The following TERT variants were observed in gnomAD, a reference collection of about 807,000 sequenced individuals.
TERT encodes the protein telomerase reverse transcriptase, also known as telomerase catalytic subunit.
In TERT, 42 loss-of-function variants were observed where a neutral mutation model predicts 104.0. The ratio of observed to expected loss-of-function variants is 0.40; its 90% CI spans 0.32 to 0.52. TERT has a LOEUF of 0.52. Ranked by LOEUF, TERT falls within the 20% of genes least tolerant of loss-of-function variation. TERT has a pLI of 0.43. For synonymous variants in TERT, 781 were observed against 725.6 expected (o/e 1.08, Z -1.23); for missense variants, 1,101 against 1,610.3 (o/e 0.68, Z 5.41).
rs1751085179 is a variant in TERT at position 1,292,955 on chromosome 5, A to T, written c.1573+358T>A. On this transcript the variant is annotated intron_variant, in intron 2 of 15. Transcript: ENST00000310581. This position sits in a 1 kb window ranked among gnomAD's most constrained non-coding sequence, Gnocchi z 5.5. The stretch of plus-strand genomic sequence containing the variant: ...CACCCTTGAAATTGCGAAGAGGATT[A>T]TAGGTAACCTGCAGGCACCCTCGCC... Among the ~76,000 whole-genome samples the T allele has an allele frequency of 6.6e-6, 1 of 152,208 alleles. No individual in the cohort carries two copies. The highest frequency in any genetic ancestry group is 1.5e-5 in the Non-Finnish European group (1 of 68,034).
rs1199800296 is a variant in TERT at position 1,263,902 on chromosome 5, C to G, written c.2843+502G>C. The stretch of plus-strand genomic sequence containing the variant: ...CTGATGGGTCACACGTGATCATGAA[C>G]TCATGGCATCCTGTAGACTGTGGAT... On this transcript the variant is annotated intron_variant, in intron 11 of 15. Coordinates refer to ENST00000310581, the MANE Select transcript of TERT (RefSeq NM_198253.3). The surrounding 1 kb of genome is among the most constrained non-coding windows in gnomAD (Gnocchi z 5.3). Among the ~76,000 whole-genome samples, 1 of 152,244 alleles carries G rather than the reference C, an allele frequency of 6.6e-6. No individual in the cohort carries two copies. The highest frequency in any genetic ancestry group is 6.5e-5 in the Admixed American group (1 of 15,286).
At chr5:1,283,621 C>A (rs1023277373) in intron 2 of TERT, among the ~76,000 whole-genome samples, 3 of 149,664 alleles carry the variant, frequency 2.0e-5, no homozygotes, top group Non-Finnish European at 4.4e-5. Flanking sequence ...CATCCAGACA[C>A]CGCACATCCA....
At chr5:1,283,288 C>T (rs1416540392) in intron 2 of TERT, among the ~76,000 whole-genome samples, 1 of 138,056 alleles carries the variant, frequency 7.2e-6, no homozygotes, top group Non-Finnish European at 1.6e-5. Flanking sequence ...GCCTGGCGAC[C>T]TCACGCCAGA....
At chr5:1,258,908 G>A (rs550012698) in intron 12 of TERT, among the ~76,000 whole-genome samples, 1 of 152,306 alleles carries the variant, frequency 6.6e-6, no homozygotes, top group East Asian at 1.9e-4. Context: ...CCAGGAGAGG[G>A]AGTGGACGCA....
rs1383697484 is a variant in TERT, at chr5:1,274,338, T to C, written c.2287-2058A>G. 1.3e-5 allele frequency among the ~76,000 whole-genome samples: 2 copies of C among 152,180 alleles called. No individual in the cohort carries two copies. Among genetic ancestry groups the C allele is most frequent in the East Asian group, 3.8e-4 (2 of 5,198 alleles). On this transcript the variant is annotated intron_variant, in intron 6 of 15. Transcript: ENST00000310581. The surrounding 1 kb of genome is among the most constrained non-coding windows in gnomAD (Gnocchi z 5.3). Reference sequence around the variant, plus strand: ...ATGGGTCTGAGGTCGGCGGAAAGCATCACAGAAATCCGTAATTATTCTGGA... The same window carrying C: ...ATGGGTCTGAGGTCGGCGGAAAGCACCACAGAAATCCGTAATTATTCTGGA...
chr5:1,267,923 T>C (rs931850522), intron 9 of TERT, among the ~76,000 whole-genome samples: 1 of 152,024 alleles, frequency 6.6e-6, no homozygotes, highest in Non-Finnish European at 1.5e-5. Context: ...ACATGGCACA[T>C]GTATACATAT....
chr5:1,276,352 C>G (rs1164665926), intron 6 of TERT, among the ~76,000 whole-genome samples: 3 of 140,264 alleles, frequency 2.1e-5, no homozygotes, highest in African/African-American at 8.0e-5. Flanking sequence ...CCACCTACCC[C>G]ACGGATGAAA....
chr5:1,275,247 G>A (rs1579569940), intron 6 of TERT, among the ~76,000 whole-genome samples: 4 of 152,070 alleles, frequency 2.6e-5, no homozygotes, highest in African/African-American at 7.2e-5. Context: ...GGTGGTGGGC[G>A]CCTATAATTC....
chr5:1,255,517 T>G lies in TERT; in HGVS notation c.3033-106A>C. 2 of 1,394,048 alleles carry G rather than the reference T, an allele frequency of 1.4e-6. No homozygotes were observed. The highest frequency in any genetic ancestry group is 2.0e-6 in the Non-Finnish European group (2 of 989,502). 86.4% of individuals were successfully genotyped at this position (1,394,048 alleles called of 1,614,324 possible). On this transcript the variant is annotated intron_variant, in intron 13 of 15. Coordinates refer to ENST00000310581, the MANE Select transcript of TERT (RefSeq NM_198253.3). This position sits in a 1 kb window ranked among gnomAD's most constrained non-coding sequence, Gnocchi z 6.9. ...GCCTGTGTGCGTGCATGAATGCACA[T>G]GCATGGGTTTCCTCATGGGCACAGG...
rs529683513 is a variant in TERT, at chr5:1,265,680, C to T, written c.2654+784G>A. Among the ~76,000 whole-genome samples, 2 of 152,164 alleles carry T rather than the reference C, an allele frequency of 1.3e-5. No individual in the cohort carries two copies. The highest frequency in any genetic ancestry group is 2.1e-4 in the South Asian group (1 of 4,818). On this transcript the variant is annotated intron_variant, in intron 10 of 15. Coordinates refer to ENST00000310581, the MANE Select transcript of TERT (RefSeq NM_198253.3). The surrounding 1 kb of genome is among the most constrained non-coding windows in gnomAD (Gnocchi z 6.9). Reference sequence around the variant, plus strand: ...GGACCTGGAGGGTGGACTTGGAGGGCGGGTCCAAATGGGTTTTCACAAACA... The same window carrying T: ...GGACCTGGAGGGTGGACTTGGAGGGTGGGTCCAAATGGGTTTTCACAAACA...
intron 2 of TERT, among the ~76,000 whole-genome samples, chr5:1,283,402 C>T (rs1750197575): frequency 2.1e-5 from 3 of 144,144 alleles, no homozygotes; most frequent in Admixed American, 6.9e-5. Flanking sequence ...ACAGCAGGGC[C>T]TGGCGACCTC....
At chr5:1,253,858 C>T (rs1420971790) in intron 15 of TERT, 27 bp from the exon 16 acceptor site, 6 of 1,589,016 alleles carry the variant, frequency 3.8e-6, no homozygotes, top group Non-Finnish European at 5.1e-6. Context: ...AGACTCCGTT[C>T]CAGAAGAGGC....
At position 1,286,017 on chromosome 5, in the gene TERT, C is replaced by T. The variant is rs989235376; in HGVS notation, c.1574-3393G>A. 1.3e-4 allele frequency among the ~76,000 whole-genome samples: 20 copies of T among 152,204 alleles called. No individual in the cohort carries two copies. Among genetic ancestry groups the T allele is most frequent in the African/African-American group, 3.6e-4 (15 of 41,538 alleles). On this transcript the variant is annotated intron_variant, in intron 2 of 15. Transcript: ENST00000310581. This position sits in a 1 kb window ranked among gnomAD's most constrained non-coding sequence, Gnocchi z 5.3. ...AGCACCGTCAGAGCTGGCGCCACACCGCAGGTTTGCGCGATTTCAAACTCG... is the reference window on the plus strand; with the variant it reads ...AGCACCGTCAGAGCTGGCGCCACACTGCAGGTTTGCGCGATTTCAAACTCG...
chr5:1,287,389 A>G lies in TERT; in HGVS notation c.1574-4765T>C, dbSNP rs1750557553. On this transcript the variant is annotated intron_variant, in intron 2 of 15. Coordinates refer to ENST00000310581, the MANE Select transcript of TERT (RefSeq NM_198253.3). The surrounding 1 kb of genome is among the most constrained non-coding windows in gnomAD (Gnocchi z 4.3). ...GCGGTGCGTGTCTGCAGTTCCAGCTATTCAGGAGGCTGAGGTGAGAGGACG... is the reference window on the plus strand; with the variant it reads ...GCGGTGCGTGTCTGCAGTTCCAGCTGTTCAGGAGGCTGAGGTGAGAGGACG... Among the ~76,000 whole-genome samples the G allele has an allele frequency of 6.6e-6, 1 of 151,778 alleles. No homozygotes were observed. The highest frequency in any genetic ancestry group is 2.1e-4 in the South Asian group (1 of 4,818).
At position 1,293,981 on chromosome 5, in the gene TERT, T is replaced by C. The variant is rs1751188438; in HGVS notation, c.905A>G (p.Gln302Arg). ...TRHSHPSVGRQHHAGPPSTSR... is the reference protein window; with the variant it reads ...TRHSHPSVGRRHHAGPPSTSR... ...TGTGGATGGGGGGCCCGCGTGGTGC[T>C]GGCGGCCCACGGATGGGTGGGAGTG... The change falls in exon 2 of 16, where the codon CAG becomes CGG. Residue 302 changes from glutamine to arginine, a missense_variant. By Grantham distance (43) the Gln-to-Arg change is conservative. Around this residue, in one of 5 missense-constraint regions of TERT, gnomAD observed 504 missense variants for 544.6 expected, o/e 0.93. Coordinates refer to ENST00000310581, the MANE Select transcript of TERT (RefSeq NM_198253.3). The C allele has an allele frequency of 6.4e-7, 1 of 1,567,388 alleles. No homozygotes were observed. The highest frequency in any genetic ancestry group is 1.4e-5 in the African/African-American group (1 of 73,694).
intron 2 of TERT, among the ~76,000 whole-genome samples, chr5:1,283,521 G>T (rs1433341511): frequency 1.4e-5 from 2 of 147,874 alleles, no homozygotes; most frequent in African/African-American, 5.0e-5. Flanking sequence ...CTAACCGCAG[G>T]GCCTGGCGAC....
rs1301731107 is a variant in TERT at position 1,262,558 on chromosome 5, C to G, written c.2843+1846G>C. 1.3e-5 allele frequency among the ~76,000 whole-genome samples: 2 copies of G among 152,240 alleles called. No individual in the cohort carries two copies. The highest frequency in any genetic ancestry group is 6.5e-5 in the Admixed American group (1 of 15,284). ...AGTTCACCCTGAGTATGGCGAACCA[C>G]TGCCTCCACTGCTGAGCTTTTAGAG... On this transcript the variant is annotated intron_variant, in intron 11 of 15. Transcript: ENST00000310581. This position sits in a 1 kb window ranked among gnomAD's most constrained non-coding sequence, Gnocchi z 5.6.
chr5:1,261,220 T>C lies in TERT; in HGVS notation c.2844-620A>G, dbSNP rs1748204686. ...ACATCCACGGCAGGCTCCTGGGGTG[T>C]GTTCTTTTACATCCAGCTTTGAACA... On this transcript the variant is annotated intron_variant, in intron 11 of 15. Coordinates refer to ENST00000310581, the MANE Select transcript of TERT (RefSeq NM_198253.3). The surrounding 1 kb of genome is among the most constrained non-coding windows in gnomAD (Gnocchi z 7.4). Among the ~76,000 whole-genome samples the C allele has an allele frequency of 6.6e-6, 1 of 152,226 alleles. No individual in the cohort carries two copies. The highest frequency in any genetic ancestry group is 1.5e-5 in the Non-Finnish European group (1 of 68,042).
chr5:1,254,499 G>A lies in TERT; in HGVS notation c.3164C>T (p.Ser1055Leu), dbSNP rs201330213. 235 of 1,611,574 alleles carry A rather than the reference G, an allele frequency of 1.5e-4. No individual in the cohort carries two copies. The highest frequency in any genetic ancestry group is 1.8e-4 in the Non-Finnish European group (216 of 1,179,556). Residue 1055 changes from serine to leucine, a missense_variant, in exon 15 of 16, where the codon TCG (serine) becomes TTG (leucine). Ser to Leu is a moderately radical substitution (Grantham distance 145). This residue lies in a region of TERT where 463 missense variants were observed against 797.5 expected (regional missense o/e 0.58). Transcript: ENST00000310581. ...SILKAKNAGM[S>L]LGAKGAAGPL... ...GCCGGCGGCGCCCTTGGCCCCCAGC[G>A]ACATCCCTGGGGGAAAACAGAGGCT...
Sources: gnomAD v4.1 joint callset for allele counts (sites outside exome capture counted in the v4.1 genomes callset) on GRCh38, gnomAD v4.1.1 for gene constraint, gnomAD v4.1.1 regional missense constraint, Gnocchi (gnomAD v3.1) non-coding constraint, MANE v1.5 for transcripts, NCBI Gene and HGNC (gene_info 2026-07-23, HGNC 2026-07-21) for gene names.